Variants in ZEB2 observed in about 807,000 individuals in gnomAD.
The protein encoded by ZEB2 is zinc finger E-box-binding homeobox 2.
ZEB2 carries 6 observed loss-of-function variants against 99.9 expected under a neutral mutation model. The observed-to-expected ratio is 0.06, with a 90% CI of 0.03 to 0.12. The LOEUF is 0.12. Ranked by LOEUF, ZEB2 falls within the 10% of genes least tolerant of loss-of-function variation. The pLI, the probability that ZEB2 is intolerant of heterozygous loss-of-function variation, is 1.00. For synonymous variants in ZEB2, 517 were observed against 542.5 expected (o/e 0.95, Z 0.65); for missense variants, 969 against 1,502.8 (o/e 0.64, Z 5.87).
chr2:144,390,990 C>G (rs1703148270), intron 9 of ZEB2, among the ~76,000 whole-genome samples: 1 of 152,206 alleles, frequency 6.6e-6, no homozygotes, highest in South Asian at 2.1e-4. Flanking sequence ...ATGTAGAGTG[C>G]CATGGATCAC....
chr2:144,405,370 G>A (rs750343099), intron 4 of ZEB2: 2 of 272,642 alleles, frequency 7.3e-6, no homozygotes, highest in Non-Finnish European at 1.4e-5. Context: ...AAACATTAAA[G>A]ATAATATAAG....
chr2:144,496,811 C>T (rs1409913541), intron 2 of ZEB2: 2 of 152,190 alleles, frequency 1.3e-5, no homozygotes, highest in Admixed American at 6.5e-5. Flanking sequence ...GTTAAGTACT[C>T]AACAAATGTT....
chr2:144,404,051 T>C lies in ZEB2; in HGVS notation c.672A>G (p.Thr224=), dbSNP rs2149879233. The change falls in exon 6 of 10, where the codon ACA becomes ACG. Residue 224 remains threonine, a synonymous_variant. Coordinates refer to ENST00000627532, the MANE Select transcript of ZEB2 (RefSeq NM_014795.4). ...PYCDRGYKRL[T]SLKEHIKYRH... Reference sequence around the variant, plus strand: ...GGTACTTGATGTGCTCCTTCAGTGATGTCAAGCGCTTGTAGCCCCGGTCGC... The same window carrying C: ...GGTACTTGATGTGCTCCTTCAGTGACGTCAAGCGCTTGTAGCCCCGGTCGC... 1 of 1,614,136 alleles carries C rather than the reference T, an allele frequency of 6.2e-7. No individual in the cohort carries two copies. Among genetic ancestry groups the C allele is most frequent in the Non-Finnish European group, 8.5e-7 (1 of 1,180,016 alleles).
intron 4 of ZEB2, chr2:144,424,427 G>A (rs114524585): frequency 4.6e-5 from 24 of 526,616 alleles, no homozygotes; most frequent in African/African-American, 2.1e-4. Context: ...AATTCTCAAC[G>A]ACTGATATCA....
chr2:144,392,478 C>T (rs917403465), intron 9 of ZEB2, among the ~76,000 whole-genome samples: 3 of 152,038 alleles, frequency 2.0e-5, no homozygotes, highest in Non-Finnish European at 4.4e-5. Context: ...AGAACTCATT[C>T]GATAATAAAC....
Position 144,399,139 on chromosome 2 carries a change from A to T in ZEB2, c.2048T>A (p.Leu683His). ...CCATTCCTTCACAAATTCCTGAGGA[A>T]GGCCCACAGCAATGGAAATTTTCAG... ...ELLKISIAVG[L>H]PQEFVKEWFE... The change falls in exon 8 of 10, where the codon CTT becomes CAT. Residue 683 changes from leucine to histidine, a missense_variant. Physicochemically the swap from Leu to His is moderately conservative, Grantham distance 99 (BLOSUM62 -3). Transcript: ENST00000627532. This position sits in a 1 kb window ranked among gnomAD's most constrained non-coding sequence, Gnocchi z 5.6. 1 of 1,614,152 alleles carries T rather than the reference A, an allele frequency of 6.2e-7. No individual in the cohort carries two copies. Among genetic ancestry groups the T allele is most frequent in the South Asian group, 1.1e-5 (1 of 91,080 alleles).
intron 2 of ZEB2, among the ~76,000 whole-genome samples, chr2:144,437,855 A>G (rs577673612): frequency 3.9e-5 from 6 of 152,360 alleles, no homozygotes; most frequent in Non-Finnish European, 7.3e-5. Flanking sequence ...AGTAACTGCC[A>G]GAGTACGTTG....
intron 2 of ZEB2, among the ~76,000 whole-genome samples, chr2:144,460,073 A>C (rs1278132432): frequency 6.6e-6 from 1 of 152,166 alleles, no homozygotes; most frequent in African/African-American, 2.4e-5. Flanking sequence ...CCCAAAGGTC[A>C]CATCCTGAAC....
rs548179095 is a variant in ZEB2, at chr2:144,427,796, T to A, written c.331+1973A>T. The A allele has an allele frequency of 2.0e-5, 3 of 152,348 alleles. No homozygotes were observed. In the South Asian group the frequency reaches 6.2e-4, roughly 32 times the overall value. The allele number at this position is 152,348 out of a possible 1,614,324, so 9.4% of individuals were successfully genotyped here. On this transcript the variant is annotated intron_variant, in intron 3 of 9. Transcript: ENST00000627532. ...GATTAGGGATTTACATTTTATTTAATTATTGTGACTCCAGAATGCTGGTTT... is the reference window on the plus strand; with the variant it reads ...GATTAGGGATTTACATTTTATTTAAATATTGTGACTCCAGAATGCTGGTTT...
chr2:144,395,459 AT>A (rs904398828), intron 9 of ZEB2, among the ~76,000 whole-genome samples: 2 of 150,802 alleles, frequency 1.3e-5, no homozygotes, highest in African/African-American at 4.9e-5. Flanking sequence ...ATACTCCCCT[AT>A]TTTTTTTGTT....
At position 144,481,987 on chromosome 2, in the gene ZEB2, C is replaced by T. The variant is rs530691854; in HGVS notation, c.73+35291G>A. On this transcript the variant is annotated intron_variant, in intron 2 of 9. Coordinates refer to ENST00000627532, the MANE Select transcript of ZEB2 (RefSeq NM_014795.4). The stretch of plus-strand genomic sequence containing the variant: ...AAAATGAGAAATAAGGGAGAGGATC[C>T]GGTTTTAGAAAAGGGACGCCAATAC... 3.3e-5 allele frequency among the ~76,000 whole-genome samples: 5 copies of T among 152,168 alleles called. No individual in the cohort carries two copies. The East Asian group carries it at 5.8e-4, about 18-fold the overall frequency.
chr2:144,502,893 T>C (rs574186300), intron 2 of ZEB2, among the ~76,000 whole-genome samples: 22 of 152,246 alleles, frequency 1.4e-4, no homozygotes, highest in African/African-American at 3.6e-4. Context: ...CCTACCCTTA[T>C]AGGTATTCTT....
In ZEB2 at chr2:144,398,900, G is replaced by A; in HGVS notation, c.2287C>T (p.Pro763Ser). The A allele has an allele frequency of 6.2e-7, 1 of 1,614,152 alleles. No homozygotes were observed. Among genetic ancestry groups the A allele is most frequent in the Non-Finnish European group, 8.5e-7 (1 of 1,180,016 alleles). ...GGTTTAATATTGGTAAAATGGGAAG[G>A]TTTTGTTAGCCTGAGAGGAGGATCA... ...NCDPPLRLTK[P>S]SHFTNIKPVE... The change falls in exon 8 of 10, where the codon CCT becomes TCT. Residue 763 changes from proline (P) to serine (S), a missense_variant. By Grantham distance (74) the Pro-to-Ser change is moderately conservative (BLOSUM62 -1). Around this residue, in one of 8 missense-constraint regions of ZEB2, gnomAD observed 346 missense variants for 460.0 expected, o/e 0.75. Coordinates refer to ENST00000627532, the MANE Select transcript of ZEB2 (RefSeq NM_014795.4).
At chr2:144,450,093 A>AC (rs1173101410) in intron 2 of ZEB2, 3 of 152,070 alleles carry the variant, frequency 2.0e-5, no homozygotes, top group African/African-American at 7.2e-5. Flanking sequence ...GAATTGTATT[A>AC]CCACTGGAAT....
At chr2:144,512,283 T>C in intron 2 of ZEB2, 2 of 1,287,128 alleles carry the variant, frequency 1.6e-6, no homozygotes, top group Non-Finnish European at 2.0e-6. Flanking sequence ...CAGAAGAAAA[T>C]GCACCTTAAA....
chr2:144,440,269 A>G (rs1172384685), intron 2 of ZEB2, among the ~76,000 whole-genome samples: 2 of 152,124 alleles, frequency 1.3e-5, no homozygotes, highest in East Asian at 3.8e-4. Context: ...GTAATCATTT[A>G]CTTAAGAGAC....
chr2:144,504,090 A>AC lies in ZEB2; in HGVS notation c.73+13187_73+13188insG, dbSNP rs1270550732. 155 of 22,250 alleles carry AC rather than the reference A, an allele frequency of 7.0e-3. 4 individuals are homozygous for AC. Among genetic ancestry groups the AC allele is most frequent in the Non-Finnish European group, 0.022 (105 of 4,876 alleles). The allele number at this position is 22,250 out of a possible 1,614,324, so 1.4% of individuals were successfully genotyped here. A position where few individuals can be genotyped will look rare whatever the true frequency, so the allele number is the denominator to read the frequency against. ...CAAGTTAACAATTAGAAAAAAAAAA[A>AC]AAAACAACAAAAAAAACAAACCACC... On this transcript the variant is annotated intron_variant, in intron 2 of 9. Transcript: ENST00000627532.
chr2:144,447,390 GTCTAACATGCCTATATATGT>G (rs1359541667), intron 2 of ZEB2, among the ~76,000 whole-genome samples: 3 of 152,126 alleles, frequency 2.0e-5, no homozygotes, highest in Admixed American at 6.5e-5. Flanking sequence ...TTTCTCATAT[GTCTAACATGCCTATATATGT>G]TCTTCCTTCC....
chr2:144,445,033 G>C (rs6708471), intron 2 of ZEB2: 146,353 of 152,284 alleles, frequency 0.96, 70,626 homozygotes, highest in East Asian at 1. Flanking sequence ...ACCTCTCTGT[G>C]TTCTTTTAAG....
Sources: gnomAD v4.1 joint callset for allele counts (sites outside exome capture counted in the v4.1 genomes callset) on GRCh38, gnomAD v4.1.1 for gene constraint, gnomAD v4.1.1 regional missense constraint, Gnocchi (gnomAD v3.1) non-coding constraint, MANE v1.5 for transcripts, NCBI Gene and HGNC (gene_info 2026-07-23, HGNC 2026-07-21) for gene names.